Variants in SLC25A21 observed in about 807,000 individuals in gnomAD.
SLC25A21 encodes mitochondrial 2-oxodicarboxylate carrier.
SLC25A21 carries 47 observed loss-of-function variants against 43.8 expected under a neutral mutation model. The observed-to-expected ratio is 1.07, with a 90% CI of 0.85 to 1.37. The LOEUF (loss-of-function observed/expected upper bound fraction) is 1.37. Ranked by LOEUF, SLC25A21 falls within the 40% of genes most tolerant of loss-of-function variation. The pLI is 0.00. For missense variants in SLC25A21, 352 were observed against 350.2 expected (o/e 1.00, Z -0.04); for synonymous variants, 131 against 121.3 (o/e 1.08, Z -0.52).
At chr14:37,056,446 G>A (rs561789916) in intron 1 of SLC25A21, among the ~76,000 whole-genome samples, 4 of 149,398 alleles carry the variant, frequency 2.7e-5, no homozygotes, top group East Asian at 2.0e-4. Flanking sequence ...AGCCGAGATC[G>A]CGCCACTGCA....
chr14:36,975,001 C>A (rs570001111), intron 1 of SLC25A21, among the ~76,000 whole-genome samples: 1 of 152,266 alleles, frequency 6.6e-6, no homozygotes, highest in African/African-American at 2.4e-5. Flanking sequence ...ATGATGACTT[C>A]CATTTTTAAA....
At chr14:36,823,963 T>C (rs712350) in intron 2 of SLC25A21, among the ~76,000 whole-genome samples, 37,597 of 152,040 alleles carry the variant, frequency 0.25, 4,895 homozygotes, top group East Asian at 0.31. Flanking sequence ...AACAGGGAAT[T>C]TGAATGTAGT....
intron 1 of SLC25A21, among the ~76,000 whole-genome samples, chr14:37,006,040 T>G (rs2138731593): frequency 6.6e-6 from 1 of 152,322 alleles, no homozygotes; most frequent in East Asian, 1.9e-4. Flanking sequence ...GTATTACAAA[T>G]TTTAAAAGCC....
chr14:37,160,279 A>G (rs1302741065), intron 1 of SLC25A21, among the ~76,000 whole-genome samples: 2 of 152,258 alleles, frequency 1.3e-5, no homozygotes, highest in Non-Finnish European at 2.9e-5. Flanking sequence ...TGTTTATTGC[A>G]GCACTATTCA....
At chr14:37,046,753 C>A (rs1312392264) in intron 1 of SLC25A21, among the ~76,000 whole-genome samples, 2 of 152,076 alleles carry the variant, frequency 1.3e-5, no homozygotes, top group African/African-American at 4.8e-5. Flanking sequence ...TTTCCTCCAC[C>A]AATTAGAAGT....
intron 1 of SLC25A21, among the ~76,000 whole-genome samples, chr14:36,992,013 GTTTC>G (rs1349760305): frequency 6.6e-6 from 1 of 152,174 alleles, no homozygotes; most frequent in Non-Finnish European, 1.5e-5. Flanking sequence ...TCTATCAGTG[GTTTC>G]TTTATTTCTT....
chr14:36,846,908 C>T (rs1406555936), intron 2 of SLC25A21, among the ~76,000 whole-genome samples: 1 of 152,146 alleles, frequency 6.6e-6, no homozygotes, highest in East Asian at 1.9e-4. Context: ...TTCCCAAATC[C>T]AAACACTCAA....
chr14:37,115,748 T>C (rs949108179), intron 1 of SLC25A21, among the ~76,000 whole-genome samples: 1 of 152,178 alleles, frequency 6.6e-6, no homozygotes, highest in African/African-American at 2.4e-5. Context: ...GTGAGACAAC[T>C]AAAGCATGAC....
chr14:36,919,764 A>C (rs1302204338), intron 1 of SLC25A21, among the ~76,000 whole-genome samples: 1 of 151,986 alleles, frequency 6.6e-6, no homozygotes, highest in African/African-American at 2.4e-5. Flanking sequence ...TTTTGATTGA[A>C]TCAAAGTTAT....
intron 1 of SLC25A21, among the ~76,000 whole-genome samples, chr14:37,159,007 C>T (rs1209568689): frequency 6.6e-6 from 1 of 151,522 alleles, no homozygotes; most frequent in African/African-American, 2.4e-5. Context: ...ATATAAAATA[C>T]CTGGAAGTAA....
Position 37,039,366 on chromosome 14 carries a change from A to G in SLC25A21, c.70+132915T>C, listed in dbSNP as rs144697239. Reference sequence around the variant, plus strand: ...AAACATCATCACAATTCAAGATACTAATAAACATATTCATCACCCCCAAAA... The same window carrying G: ...AAACATCATCACAATTCAAGATACTGATAAACATATTCATCACCCCCAAAA... On this transcript the variant is annotated intron_variant, in intron 1 of 9. Transcript: ENST00000331299. 8.7e-4 allele frequency among the ~76,000 whole-genome samples: 133 copies of G among 152,298 alleles called. 4 individuals carry two copies. In the East Asian group the frequency reaches 0.017, roughly 20 times the overall value.
chr14:36,912,453 T>C (rs566354596), intron 1 of SLC25A21, among the ~76,000 whole-genome samples: 2 of 152,274 alleles, frequency 1.3e-5, no homozygotes, highest in African/African-American at 2.4e-5. Context: ...GGTGCTGCTA[T>C]ACAAGCAGCA....
At chr14:36,844,140 C>T (rs753767140) in intron 2 of SLC25A21, among the ~76,000 whole-genome samples, 3 of 152,198 alleles carry the variant, frequency 2.0e-5, no homozygotes, top group African/African-American at 4.8e-5. Context: ...CTTTAACACG[C>T]TACAGTACTA....
At chr14:37,114,885 A>G (rs1025581890) in intron 1 of SLC25A21, among the ~76,000 whole-genome samples, 1 of 151,974 alleles carries the variant, frequency 6.6e-6, no homozygotes, top group South Asian at 2.1e-4. Flanking sequence ...TCAAGTTTCT[A>G]TGGTAGTCTG....
At chr14:36,797,797 G>T (rs1286784479) in intron 3 of SLC25A21, among the ~76,000 whole-genome samples, 1 of 152,140 alleles carries the variant, frequency 6.6e-6, no homozygotes, top group Non-Finnish European at 1.5e-5. Context: ...AGCCTGAATA[G>T]GATGAAAAGG....
intron 7 of SLC25A21, among the ~76,000 whole-genome samples, chr14:36,707,897 G>T (rs1211120427): frequency 1.3e-5 from 2 of 152,190 alleles, no homozygotes; most frequent in Admixed American, 1.3e-4. Flanking sequence ...GGCTGAGGTG[G>T]GAGGATCACT....
At chr14:36,694,334 C>T (rs1475055321) in intron 7 of SLC25A21, among the ~76,000 whole-genome samples, 1 of 152,120 alleles carries the variant, frequency 6.6e-6, no homozygotes, top group Non-Finnish European at 1.5e-5. Context: ...TGGGTTGGTT[C>T]CAAGTCTTTG....
At chr14:37,102,272 C>T (rs1030916258) in intron 1 of SLC25A21, among the ~76,000 whole-genome samples, 6 of 151,884 alleles carry the variant, frequency 4.0e-5, no homozygotes, top group African/African-American at 1.5e-4. Context: ...GAAACCCCAT[C>T]TCTACTAAAA....
chr14:37,094,723 G>A (rs2138855467), intron 1 of SLC25A21, among the ~76,000 whole-genome samples: 1 of 119,368 alleles, frequency 8.4e-6, no homozygotes, highest in Non-Finnish European at 1.8e-5. Flanking sequence ...ACTGAAGCAT[G>A]GTTGGTGATA....
Sources: allele counts gnomAD v4.1 joint callset (sites outside exome capture counted in the v4.1 genomes callset), GRCh38; gene constraint gnomAD v4.1.1; transcripts MANE v1.5; gene names NCBI Gene and HGNC (gene_info 2026-07-23, HGNC 2026-07-21).